The following IL1RAPL1 variants were observed in gnomAD, a reference collection of about 807,000 sequenced individuals.
IL1RAPL1 encodes interleukin-1 receptor accessory protein-like 1.
IL1RAPL1 carries 3 observed loss-of-function variants against 48.4 expected under a neutral mutation model. The observed-to-expected ratio is 0.06, with a 90% CI of 0.03 to 0.16. The LOEUF (loss-of-function observed/expected upper bound fraction) is 0.16. Ranked by LOEUF, IL1RAPL1 falls within the 10% of genes least tolerant of loss-of-function variation. The pLI is 1.00. For missense variants in IL1RAPL1, 349 were observed against 530.6 expected (o/e 0.66, Z 3.36); for synonymous variants, 185 against 187.7 (o/e 0.99, Z 0.12).
At chrX:29,785,109 G>A (rs1254235420) in intron 6 of IL1RAPL1, among the ~76,000 whole-genome samples, 2 of 111,843 alleles carry the variant, frequency 1.8e-5, no homozygotes, top group African/African-American at 6.5e-5. Flanking sequence ...GCTGAAATTT[G>A]TTAATAAATA....
intron 1 of IL1RAPL1, among the ~76,000 whole-genome samples, chrX:28,693,031 A>G (rs1231225919): frequency 8.9e-6 from 1 of 111,923 alleles, no homozygotes; most frequent in African/African-American, 3.2e-5. Flanking sequence ...ACTGCTGTCA[A>G]TTTTTTTCAT....
rs1296427933 is a variant in IL1RAPL1, at chrX:29,497,685, C to A, written c.703+98377C>A. ...AAATGGATAACTTTTTGACTAATTT[C>A]CTTCCACATTAAAACTGTGTAGCAT... is the stretch of plus-strand genomic sequence containing the variant. On this transcript the variant is annotated intron_variant, in intron 5 of 10. Transcript: ENST00000378993. Among the ~76,000 whole-genome samples the A allele has an allele frequency of 2.7e-5, 3 of 110,851 alleles. No homozygotes were observed. The Admixed American group carries it at 2.9e-4, about 11-fold the overall frequency.
chrX:29,386,518 A>G (rs1428143474), intron 3 of IL1RAPL1, among the ~76,000 whole-genome samples: 1 of 106,775 alleles, frequency 9.4e-6, no homozygotes, highest in Admixed American at 1.0e-4. Context: ...TGCTCAATAC[A>G]TGTGTTGTAT....
intron 1 of IL1RAPL1, among the ~76,000 whole-genome samples, chrX:28,769,181 ATATG>A (rs1395878628): frequency 2.7e-5 from 3 of 109,490 alleles, no homozygotes; most frequent in Non-Finnish European, 5.7e-5. Context: ...GAGTATATAT[ATATG>A]AGATTATATG....
At chrX:29,589,042 T>C (rs918892049) in intron 5 of IL1RAPL1, among the ~76,000 whole-genome samples, 1 of 111,117 alleles carries the variant, frequency 9.0e-6, no homozygotes, top group African/African-American at 3.3e-5. Context: ...ATGTTAAGAG[T>C]GCCGAATCTT....
intron 5 of IL1RAPL1, among the ~76,000 whole-genome samples, chrX:29,552,533 TG>T (rs1921850657): frequency 8.9e-6 from 1 of 111,743 alleles, no homozygotes; most frequent in South Asian, 3.6e-4. Flanking sequence ...CCATAAAATT[TG>T]TTATTTTAAC....
intron 6 of IL1RAPL1, among the ~76,000 whole-genome samples, chrX:29,913,035 A>C (rs1034408340): frequency 9.9e-5 from 11 of 111,181 alleles, no homozygotes; most frequent in South Asian, 3.8e-4. Context: ...CCAACGTCAC[A>C]GCTCTCTGAC....
chrX:28,786,725 T>C (rs1936479599), intron 1 of IL1RAPL1, among the ~76,000 whole-genome samples: 2 of 111,818 alleles, frequency 1.8e-5, no homozygotes, highest in Admixed American at 9.5e-5. Context: ...AGCCAAATGG[T>C]GAATGGTATT....
intron 5 of IL1RAPL1, among the ~76,000 whole-genome samples, chrX:29,620,843 T>G (rs147030317): frequency 0.031 from 3,502 of 112,566 alleles, 129 homozygotes; most frequent in African/African-American, 0.11. Context: ...ACGTCAGTCT[T>G]TCTTAACTTG....
At chrX:29,650,621 C>A (rs1925487037) in intron 5 of IL1RAPL1, among the ~76,000 whole-genome samples, 1 of 110,214 alleles carries the variant, frequency 9.1e-6, no homozygotes, top group South Asian at 3.8e-4. Flanking sequence ...ATACAAAAAT[C>A]AATTCAAAAT....
chrX:29,574,173 G>C (rs1017137011), intron 5 of IL1RAPL1: 11 of 109,671 alleles, frequency 1.0e-4, no homozygotes, highest in African/African-American at 3.7e-4. Context: ...TATGTGGCTG[G>C]AGCAGGAGGA....
chrX:29,202,679 T>TA (rs768177891), intron 2 of IL1RAPL1, among the ~76,000 whole-genome samples: 7 of 111,739 alleles, frequency 6.3e-5, no homozygotes, highest in Non-Finnish European at 1.1e-4. Context: ...TATGCTGCCA[T>TA]AAAAAAGAAT....
chrX:28,650,851 C>T (rs1209849888), intron 1 of IL1RAPL1, among the ~76,000 whole-genome samples: 2 of 111,992 alleles, frequency 1.8e-5, no homozygotes, highest in Non-Finnish European at 3.8e-5. Flanking sequence ...GGTCTCCAAG[C>T]TAACAAAGGT....
chrX:29,041,617 G>A (rs1926848253), intron 2 of IL1RAPL1, among the ~76,000 whole-genome samples: 1 of 112,267 alleles, frequency 8.9e-6, no homozygotes, highest in African/African-American at 3.2e-5. Context: ...ATAAGTAAGT[G>A]ACAGTGTGCT....
chrX:29,161,164 C>A (rs1056705963), intron 2 of IL1RAPL1, among the ~76,000 whole-genome samples: 1 of 111,220 alleles, frequency 9.0e-6, no homozygotes, highest in Non-Finnish European at 1.9e-5. Flanking sequence ...GGAAAAAGGG[C>A]TGACCATCCA....
intron 2 of IL1RAPL1, among the ~76,000 whole-genome samples, chrX:28,968,884 G>C (rs933190514): frequency 8.9e-6 from 1 of 112,684 alleles, no homozygotes; most frequent in African/African-American, 3.2e-5. Flanking sequence ...TGTTTCTTTA[G>C]AAGTGATTAG....
chrX:29,607,582 C>G (rs1383069671), intron 5 of IL1RAPL1, among the ~76,000 whole-genome samples: 1 of 111,956 alleles, frequency 8.9e-6, no homozygotes, highest in East Asian at 2.8e-4. Flanking sequence ...GAGCTGTATC[C>G]TGTCAACTTA....
intron 6 of IL1RAPL1, among the ~76,000 whole-genome samples, chrX:29,723,159 T>C (rs1489692873): frequency 8.9e-6 from 1 of 112,640 alleles, no homozygotes; most frequent in African/African-American, 3.2e-5. Flanking sequence ...ATTAGCACAC[T>C]TGTACATTCC....
chrX:29,918,230 C>CT lies in IL1RAPL1; in HGVS notation c.911+642dup, dbSNP rs1167465272. On this transcript the variant is annotated intron_variant, in intron 7 of 10. Transcript: ENST00000378993. The stretch of plus-strand genomic sequence containing the variant: ...TTAGTGTACTTTTTGTATATGAGAC[C>CT]TTTTTTTTAAAAAAAAAAAAAAAAA... Among the ~76,000 whole-genome samples, 393 of 55,316 alleles carry CT rather than the reference C, an allele frequency of 7.1e-3. 4 individuals are homozygous for CT. Among genetic ancestry groups the CT allele is most frequent in the Middle Eastern group, 0.013 (1 of 80 alleles). The allele number at this position is 55,316 out of a possible 115,157, so 48.0% of individuals were successfully genotyped here.
Sources: gnomAD v4.1 joint callset for allele counts (sites outside exome capture counted in the v4.1 genomes callset) on GRCh38, gnomAD v4.1.1 for gene constraint, MANE v1.5 for transcripts, NCBI Gene and HGNC (gene_info 2026-07-23, HGNC 2026-07-21) for gene names.